ADCY2: variants seen among roughly 807,000 people sequenced by gnomAD.
The protein encoded by ADCY2 is adenylate cyclase type 2.
A neutral mutation model predicts 125.2 loss-of-function variants in ADCY2; 31 were observed. The ratio of observed to expected loss-of-function variants is 0.25; its 90% CI spans 0.19 to 0.33. The LOEUF is 0.33. Among genes scored for constraint, ADCY2 ranks in the 10% least tolerant of loss-of-function variants. The probability of loss-of-function intolerance (pLI) is 1.00; values close to 1 mark genes in which losing one functional copy is unlikely to be tolerated. For synonymous variants in ADCY2, 512 were observed against 548.4 expected (o/e 0.93, Z 0.93); for missense variants, 904 against 1,418.2 (o/e 0.64, Z 5.82).
chr5:7,534,851 C>T (rs1734764769), intron 3 of ADCY2, among the ~76,000 whole-genome samples: 1 of 152,164 alleles, frequency 6.6e-6, no homozygotes. Flanking sequence ...TGGGGGCCTC[C>T]CCCTGTTATA....
At chr5:7,683,380 G>A (rs1424294911) in intron 4 of ADCY2, among the ~76,000 whole-genome samples, 1 of 152,236 alleles carries the variant, frequency 6.6e-6, no homozygotes, top group African/African-American at 2.4e-5. Flanking sequence ...ATTTGCATCT[G>A]TCGCAATAGC....
chr5:7,458,924 G>A (rs1316886168), intron 2 of ADCY2, among the ~76,000 whole-genome samples: 3 of 152,116 alleles, frequency 2.0e-5, no homozygotes, highest in Non-Finnish European at 4.4e-5. Context: ...TCACGGGACT[G>A]GCCAGAATGA....
At position 7,822,377 on chromosome 5, in the gene ADCY2, A is replaced by G. The variant is rs187829115; in HGVS notation, c.3123+1688A>G. On this transcript the variant is annotated intron_variant, in intron 24 of 24. Coordinates refer to ENST00000338316, the MANE Select transcript of ADCY2 (RefSeq NM_020546.3). ...TACTAGAATTTCATTCAATTTTACC[A>G]TTATTACACCAAGAAGCTATCCTGA... is the stretch of plus-strand genomic sequence containing the variant. 3.0e-3 allele frequency among the ~76,000 whole-genome samples: 458 copies of G among 152,378 alleles called. 3 individuals are homozygous for G. The highest frequency in any genetic ancestry group is 0.014 in the Middle Eastern group (4 of 294).
At chr5:7,795,096 C>G (rs2126512303) in intron 20 of ADCY2, 1 of 152,328 alleles carries the variant, frequency 6.6e-6, no homozygotes, top group Non-Finnish European at 1.5e-5. Context: ...CCCACACAAG[C>G]CTTCCTTGAC....
chr5:7,411,767 CAGAG>C (rs1285784849), intron 1 of ADCY2, among the ~76,000 whole-genome samples: 2 of 152,154 alleles, frequency 1.3e-5, no homozygotes, highest in East Asian at 3.9e-4. Flanking sequence ...GTCTTGTTGA[CAGAG>C]AGATCCTTTA....
In ADCY2 at chr5:7,408,712, C is replaced by A. The variant is rs553401979; in HGVS notation, c.211-5861C>A. Among the ~76,000 whole-genome samples the A allele has an allele frequency of 8.6e-5, 13 of 151,876 alleles. No individual in the cohort carries two copies. The South Asian group carries it at 1.9e-3, about 22-fold the overall frequency. ...GTAAAAAAGCAAAAAAACAAAAAAC[C>A]AAAAACAAAAACAAAAAACAGATGC... On this transcript the variant is annotated intron_variant, in intron 1 of 24. Coordinates refer to ENST00000338316, the MANE Select transcript of ADCY2 (RefSeq NM_020546.3).
intron 11 of ADCY2, among the ~76,000 whole-genome samples, chr5:7,714,350 G>A (rs1326154809): frequency 6.6e-6 from 1 of 152,228 alleles, no homozygotes; most frequent in East Asian, 1.9e-4. Flanking sequence ...ATTTATAGAA[G>A]TTACGATGGG....
intron 2 of ADCY2, among the ~76,000 whole-genome samples, chr5:7,518,322 T>G (rs1262990319): frequency 6.6e-6 from 1 of 152,256 alleles, no homozygotes; most frequent in Middle Eastern, 3.4e-3. Flanking sequence ...AGCCTGCCTG[T>G]GTAGATAGAG....
rs370171358 is a variant in ADCY2, at chr5:7,735,838, T to C, written c.1872-7830T>C. ...AGGGTGATACTGGCTTCAGAACGAG[T>C]TAAGAACTGTTCCCTTCCCTTCCAT... On this transcript the variant is annotated intron_variant, in intron 14 of 24. Coordinates refer to ENST00000338316, the MANE Select transcript of ADCY2 (RefSeq NM_020546.3). Among the ~76,000 whole-genome samples the C allele has an allele frequency of 3.3e-5, 5 of 152,270 alleles. No individual in the cohort carries two copies. In the East Asian group the frequency reaches 9.7e-4, roughly 29 times the overall value.
At chr5:7,763,913 C>A (rs1219042699) in intron 16 of ADCY2, among the ~76,000 whole-genome samples, 1 of 152,134 alleles carries the variant, frequency 6.6e-6, no homozygotes, top group Non-Finnish European at 1.5e-5. Flanking sequence ...CTGACCTGTC[C>A]CTGCTGTTGA....
At chr5:7,568,246 A>C (rs1735965570) in intron 3 of ADCY2, among the ~76,000 whole-genome samples, 1 of 152,058 alleles carries the variant, frequency 6.6e-6, no homozygotes, top group African/African-American at 2.4e-5. Context: ...GTCCTAATTG[A>C]TATTATATTA....
At chr5:7,494,262 G>C (rs1743269290) in intron 2 of ADCY2, among the ~76,000 whole-genome samples, 1 of 152,050 alleles carries the variant, frequency 6.6e-6, no homozygotes, top group South Asian at 2.1e-4. Flanking sequence ...CACCAGGGCG[G>C]ATAATCTTAC....
At chr5:7,484,786 C>T (rs976788710) in intron 2 of ADCY2, among the ~76,000 whole-genome samples, 1 of 152,172 alleles carries the variant, frequency 6.6e-6, no homozygotes, top group Non-Finnish European at 1.5e-5. Context: ...TCTTCTGCAT[C>T]CTAAAAATCT....
chr5:7,690,905 GATCTCACACCTCATATCACC>G, intron 5 of ADCY2, 66 bp downstream of exon 5: 2 of 1,422,406 alleles, frequency 1.4e-6, no homozygotes, highest in Non-Finnish European at 1.9e-6. Context: ...TTTTGCCTGG[GATCTCACACCTCATATCACC>G]ATCTCTCCTT....
intron 3 of ADCY2, among the ~76,000 whole-genome samples, chr5:7,564,033 T>A (rs760692115): frequency 5.3e-5 from 8 of 152,246 alleles, no homozygotes; most frequent in Non-Finnish European, 4.4e-5. Context: ...TTATTCTTAT[T>A]TGATTTGCAA....
At chr5:7,487,839 T>C (rs1410484719) in intron 2 of ADCY2, among the ~76,000 whole-genome samples, 1 of 152,210 alleles carries the variant, frequency 6.6e-6, no homozygotes, top group African/African-American at 2.4e-5. Context: ...GATTTCTTTG[T>C]TTTCTTTCAG....
intron 4 of ADCY2, among the ~76,000 whole-genome samples, chr5:7,644,447 A>G (rs1003369503): frequency 2.0e-5 from 3 of 152,072 alleles, no homozygotes; most frequent in Non-Finnish European, 4.4e-5. Flanking sequence ...CACATTCTCT[A>G]GGACTCTGCA....
In ADCY2 at chr5:7,698,277, G is replaced by T; in HGVS notation, c.1012G>T (p.Gly338Ter). The T allele has an allele frequency of 6.2e-7, 1 of 1,613,986 alleles. No individual in the cohort carries two copies. Among genetic ancestry groups the T allele is most frequent in the East Asian group, 2.2e-5 (1 of 44,876 alleles). The change falls in exon 7 of 25, where the codon GGA becomes TGA. Residue 338 changes from glycine to a stop codon, truncating the protein, a stop_gained. Transcript: ENST00000338316. LOFTEE classifies it high-confidence loss of function. The part of the protein sequence containing the change: ...ENECMRIKIL[G>*]DCYYCVSGLP... ...TGAATGCATGAGAATTAAAATTTTAGGAGACTGCTACTACTGTGTATCTGG... is the reference window on the plus strand; with the variant it reads ...TGAATGCATGAGAATTAAAATTTTATGAGACTGCTACTACTGTGTATCTGG...
At chr5:7,687,509 A>T (rs1024049532) in intron 4 of ADCY2, among the ~76,000 whole-genome samples, 3 of 152,176 alleles carry the variant, frequency 2.0e-5, no homozygotes, top group Admixed American at 2.0e-4. Context: ...GCGTGGGACC[A>T]TGAGGTCCGC....
Sources: allele counts gnomAD v4.1 joint callset (sites outside exome capture counted in the v4.1 genomes callset), GRCh38; gene constraint gnomAD v4.1.1; transcripts MANE v1.5; gene names NCBI Gene and HGNC (gene_info 2026-07-23, HGNC 2026-07-21).